Variants in ZNF770 observed in about 807,000 individuals in gnomAD.
ZNF770 encodes zinc finger protein 770.
Under a neutral mutation model 44.8 loss-of-function variants are expected in ZNF770, and 13 were observed. That is an observed-to-expected ratio of 0.29 (90% CI 0.19 to 0.46). ZNF770 has a LOEUF of 0.46. ZNF770 is among the 20% of genes least tolerant of loss of function. The pLI, the probability that ZNF770 is intolerant of heterozygous loss-of-function variation, is 1.00. For synonymous variants in ZNF770, 304 were observed against 271.8 expected, an observed-to-expected ratio of 1.12 and a Z score of -1.17; for missense variants, 681 against 797.9, an observed-to-expected ratio of 0.85 and a Z score of 1.77.
chr15:34,984,195 A>G (rs1396735818), intron 2 of ZNF770, among the ~76,000 whole-genome samples: 1 of 152,212 alleles, frequency 6.6e-6, no homozygotes, highest in Non-Finnish European at 1.5e-5. Flanking sequence ...TCAAAAATCA[A>G]TGGAGATAAT....
Position 34,981,849 on chromosome 15 carries a change from C to T in ZNF770, c.1586G>A (p.Ser529Asn). The change falls in exon 3 of 3, where the codon AGT (serine) becomes AAT (asparagine). Residue 529 changes from serine to asparagine, a missense_variant. Around this residue, in one of 5 missense-constraint regions of ZNF770, gnomAD observed 148 missense variants for 191.0 expected, o/e 0.77. Coordinates refer to ENST00000356321, the MANE Select transcript of ZNF770 (RefSeq NM_014106.4). ...TACTTGGCAAAGAGATGCATAAGGACTCTTTTCATTATGAGTCTGTTCATG... is the reference window on the plus strand; with the variant it reads ...TACTTGGCAAAGAGATGCATAAGGATTCTTTTCATTATGAGTCTGTTCATG... ...KRHEQTHNEK[S>N]PYASLCQVEF... is the part of the protein sequence containing the mutation. The T allele has an allele frequency of 1.9e-6, 3 of 1,613,854 alleles. No homozygotes were observed. The highest frequency in any genetic ancestry group is 2.5e-6 in the Non-Finnish European group (3 of 1,179,978).
chr15:34,979,868 A>T lies in ZNF770; in HGVS notation c.*1491T>A, dbSNP rs1160529149. 3.3e-6 allele frequency: 1 copy of T among 305,972 alleles called. No individual in the cohort carries two copies. Among genetic ancestry groups the T allele is most frequent in the East Asian group, 1.1e-4 (1 of 9,148 alleles). The allele number at this position is 305,972 out of a possible 1,614,324, so 19.0% of individuals were successfully genotyped here. On this transcript the variant is annotated 3_prime_UTR_variant, in exon 3 of 3. Coordinates refer to ENST00000356321, the MANE Select transcript of ZNF770 (RefSeq NM_014106.4). ...TCATTCCTGAAGATTTTATAAACAA[A>T]GGCAAATATGAAGGAAAATTTGTAA... is the stretch of plus-strand genomic sequence containing the variant.
Position 34,981,899 on chromosome 15 carries a change from A to T in ZNF770, c.1536T>A (p.Phe512Leu). Reference sequence around the variant, plus strand: ...GTCTTTTTAAGTGAGCTGACTGTCTAAAAGATTTCCCACAAATATTACAGC... The same window carrying T: ...GTCTTTTTAAGTGAGCTGACTGTCTTAAAGATTTCCCACAAATATTACAGC... ...PFGCNICGKSFRQSAHLKRHE... is the reference protein window; with the variant it reads ...PFGCNICGKSLRQSAHLKRHE... Residue 512 changes from phenylalanine (F) to leucine (L), a missense_variant, in exon 3 of 3, where the codon TTT becomes TTA. By Grantham distance (22) the Phe-to-Leu change is conservative. This residue lies in a region of ZNF770 where 148 missense variants were observed against 191.0 expected (regional missense o/e 0.77). Coordinates refer to ENST00000356321, the MANE Select transcript of ZNF770 (RefSeq NM_014106.4). 1 of 1,614,024 alleles carries T rather than the reference A, an allele frequency of 6.2e-7. No homozygotes were observed. Among genetic ancestry groups the T allele is most frequent in the Non-Finnish European group, 8.5e-7 (1 of 1,180,022 alleles).
intron 1 of ZNF770, 134 bp downstream of exon 1, chr15:34,987,982 A>AC (rs113623606): frequency 4.2e-4 from 64 of 152,214 alleles, no homozygotes; most frequent in Middle Eastern, 3.4e-3. Context: ...AGCAACAACA[A>AC]AAAAAAATCC....
intron 2 of ZNF770, among the ~76,000 whole-genome samples, chr15:34,984,447 A>G (rs1012032911): frequency 1.1e-4 from 17 of 152,040 alleles, no homozygotes; most frequent in Admixed American, 3.9e-4. Context: ...ACCTGAGGTC[A>G]GGAATTTTGA....
chr15:34,982,447 A>G lies in ZNF770; in HGVS notation c.988T>C (p.Tyr330His). ...TTTTTAACAATGGTTTTATAGTTGT[A>G]GCTTCTTTTGAACCTGCTTGGAATT... ...GKIPSRFKRS[Y>H]NYKTIVKKIL... Residue 330 changes from tyrosine to histidine, a missense_variant, in exon 3 of 3, where the codon TAC becomes CAC. Coordinates refer to ENST00000356321, the MANE Select transcript of ZNF770 (RefSeq NM_014106.4). 6.2e-7 allele frequency: 1 copy of G among 1,613,972 alleles called. No homozygotes were observed. The highest frequency in any genetic ancestry group is 8.5e-7 in the Non-Finnish European group (1 of 1,179,948).
At position 34,981,020 on chromosome 15, in the gene ZNF770, T is replaced by C. The variant is rs2050398250; in HGVS notation, c.*339A>G. 4.8e-6 allele frequency: 1 copy of C among 208,440 alleles called. No homozygotes were observed. Among genetic ancestry groups the C allele is most frequent in the Non-Finnish European group, 9.6e-6 (1 of 104,118 alleles). The allele number at this position is 208,440 out of a possible 1,614,324, so 12.9% of individuals were successfully genotyped here. ...TGAGTATATCTAAAAAGAGATGGCA[T>C]GTCTTAAGGAATAATTCCTTTAAAA... On this transcript the variant is annotated 3_prime_UTR_variant, in exon 3 of 3. Transcript: ENST00000356321.
rs369778038 is a variant in ZNF770, at chr15:34,982,849, A to G, written c.586T>C (p.Ser196Pro). 15 of 1,613,904 alleles carry G rather than the reference A, an allele frequency of 9.3e-6. No homozygotes were observed. The highest frequency in any genetic ancestry group is 1.2e-5 in the Non-Finnish European group (14 of 1,179,952). ...RPFKCVLCTK[S>P]FRQSTHLKIH... ...TTTAAGTGAGTTGACTGTCGAAAAGATTTAGTACACAAGACACATTTAAAA... is the reference window on the plus strand; with the variant it reads ...TTTAAGTGAGTTGACTGTCGAAAAGGTTTAGTACACAAGACACATTTAAAA... The change falls in exon 3 of 3, where the codon TCT becomes CCT. Residue 196 changes from serine (S) to proline (P), a missense_variant. This residue lies in a region of ZNF770 where 432 missense variants were observed against 434.1 expected (regional missense o/e 1.00). Transcript: ENST00000356321.
chr15:34,982,553 A>T lies in ZNF770; in HGVS notation c.882T>A (p.Phe294Leu), dbSNP rs760644482. 1 of 1,614,016 alleles carries T rather than the reference A, an allele frequency of 6.2e-7. No individual in the cohort carries two copies. ...LDVHSIYIVP[F>L]QCPKCEKCFE... ...AACACTTTTCACACTTTGGACATTGAAAAGGGACAATATAAATTGAGTGGA... is the reference window on the plus strand; with the variant it reads ...AACACTTTTCACACTTTGGACATTGTAAAGGGACAATATAAATTGAGTGGA... Residue 294 changes from phenylalanine to leucine, a missense_variant, in exon 3 of 3, where the codon TTT becomes TTA. Phe to Leu is a conservative substitution (Grantham distance 22). Around this residue, in one of 5 missense-constraint regions of ZNF770, gnomAD observed 432 missense variants for 434.1 expected, o/e 1.00. Coordinates refer to ENST00000356321, the MANE Select transcript of ZNF770 (RefSeq NM_014106.4).
Position 34,983,231 on chromosome 15 carries a change from A to C in ZNF770, c.204T>G (p.Val68=), listed in dbSNP as rs1310094496. The part of the protein sequence containing the change: ...DVCHKTFRQL[V]HLERHQLTHS... ...GAGTTAGTTGATGCCTCTCCAGATGAACTAGTTGTCTAAAGGTTTTATGAC... is the reference window on the plus strand; with the variant it reads ...GAGTTAGTTGATGCCTCTCCAGATGCACTAGTTGTCTAAAGGTTTTATGAC... Residue 68 remains valine, a synonymous_variant, in exon 3 of 3, where the codon GTT becomes GTG. Transcript: ENST00000356321. 1.9e-6 allele frequency: 3 copies of C among 1,613,108 alleles called. No homozygotes were observed. Among genetic ancestry groups the C allele is most frequent in the Non-Finnish European group, 2.5e-6 (3 of 1,179,246 alleles).
intron 2 of ZNF770, 22 bp from the exon 3 acceptor site, chr15:34,983,512 G>C: frequency 8.3e-7 from 1 of 1,200,960 alleles, no homozygotes; most frequent in South Asian, 2.9e-5. Flanking sequence ...AGGAAAAAAA[G>C]TATTAATTTT....
At chr15:34,983,781 G>A (rs142706874) in intron 2 of ZNF770, among the ~76,000 whole-genome samples, 185 of 152,280 alleles carry the variant, frequency 1.2e-3, no homozygotes, top group African/African-American at 4.1e-3. Flanking sequence ...ACATGAAATA[G>A]ATATTTTAAT....
rs148145051 is a variant in ZNF770 at position 34,981,362 on chromosome 15, C to T, written c.2073G>A (p.Met691Ile). Reference sequence around the variant, plus strand: ...AATTGTTAGTGGTTGCGACAATTTACATAACCGAATCTAAGGCAACCACTT... The same window carrying T: ...AATTGTTAGTGGTTGCGACAATTTATATAACCGAATCTAAGGCAACCACTT... ...QGKVVALDSV[M>I] The change falls in exon 3 of 3, where the codon ATG (methionine) becomes ATA (isoleucine). Residue 691 changes from methionine to isoleucine, a missense_variant. By Grantham distance (10) the Met-to-Ile change is conservative (BLOSUM62 1). Coordinates refer to ENST00000356321, the MANE Select transcript of ZNF770 (RefSeq NM_014106.4). 8.7e-6 allele frequency: 14 copies of T among 1,604,206 alleles called. No individual in the cohort carries two copies. In the African/African-American group the frequency reaches 1.9e-4, roughly 21 times the overall value.
At position 34,981,003 on chromosome 15, in the gene ZNF770, T is replaced by C. The variant is rs1351575005; in HGVS notation, c.*356A>G. 8 of 192,582 alleles carry C rather than the reference T, an allele frequency of 4.2e-5. No homozygotes were observed. The highest frequency in any genetic ancestry group is 1.7e-4 in the African/African-American group (7 of 42,340). The allele number at this position is 192,582 out of a possible 1,614,324, so 11.9% of individuals were successfully genotyped here. On this transcript the variant is annotated 3_prime_UTR_variant, in exon 3 of 3. Coordinates refer to ENST00000356321, the MANE Select transcript of ZNF770 (RefSeq NM_014106.4). Reference sequence around the variant, plus strand: ...TTTGCCTCTCAGTCTTTTGAGTATATCTAAAAAGAGATGGCATGTCTTAAG... The same window carrying C: ...TTTGCCTCTCAGTCTTTTGAGTATACCTAAAAAGAGATGGCATGTCTTAAG...
Position 34,979,972 on chromosome 15 carries a change from C to G in ZNF770, c.*1387G>C, listed in dbSNP as rs1566797232. 5.1e-6 allele frequency: 1 copy of G among 197,482 alleles called. No homozygotes were observed. The highest frequency in any genetic ancestry group is 1.1e-5 in the Non-Finnish European group (1 of 94,486). 12.2% of individuals were successfully genotyped at this position (197,482 alleles called of 1,614,324 possible). A position where few individuals can be genotyped will look rare whatever the true frequency, so the allele number is the denominator to read the frequency against. ...ATTTGGAATGATACCCACAACTCTA[C>G]AAGCATCTTATCCCTCTACAGGAAT... is the stretch of plus-strand genomic sequence containing the variant. On this transcript the variant is annotated 3_prime_UTR_variant, in exon 3 of 3. Transcript: ENST00000356321.
rs182888911 is a variant in ZNF770 at position 34,987,317 on chromosome 15, G to C, written c.-57+240C>G. 3.3e-5 allele frequency among the ~76,000 whole-genome samples: 5 copies of C among 152,330 alleles called. 1 individual carries two copies. The highest frequency in any genetic ancestry group is 2.0e-4 in the Admixed American group (3 of 15,306). ...TTGTTAGAACCATTAGTGGCAAGTG[G>C]TGATCCTATCTCCTGTTTATGAGAG... is the stretch of plus-strand genomic sequence containing the variant. On this transcript the variant is annotated intron_variant, in intron 2 of 2. Transcript: ENST00000356321.
Position 34,982,223 on chromosome 15 carries a change from T to C in ZNF770, c.1212A>G (p.Lys404=). 6.2e-7 allele frequency: 1 copy of C among 1,613,486 alleles called. No individual in the cohort carries two copies. The highest frequency in any genetic ancestry group is 8.5e-7 in the Non-Finnish European group (1 of 1,179,876). ...GCCAAGAAAATGGCAAAGTCAATGT[T>C]TTCTTCTTTCTATTGCCAATTGTTT... ...TYKTIGNRKK[K]TLTLPFSWQN... The change falls in exon 3 of 3, where the codon AAA becomes AAG. Residue 404 remains lysine (K), a synonymous_variant. Coordinates refer to ENST00000356321, the MANE Select transcript of ZNF770 (RefSeq NM_014106.4).
intron 2 of ZNF770, among the ~76,000 whole-genome samples, chr15:34,985,044 T>C (rs932106964): frequency 2.0e-5 from 3 of 150,690 alleles, no homozygotes; most frequent in African/African-American, 7.3e-5. Context: ...TGCAGCACGA[T>C]AATTGCTTGA....
Position 34,983,406 on chromosome 15 carries a change from A to G in ZNF770, c.29T>C (p.Leu10Pro), listed in dbSNP as rs754789893. The G allele has an allele frequency of 1.1e-5, 17 of 1,566,004 alleles. No individual in the cohort carries two copies. The South Asian group carries it at 1.9e-4, about 18-fold the overall frequency. Residue 10 changes from leucine (L) to proline (P), a missense_variant, in exon 3 of 3, where the codon CTA becomes CCA. This residue lies in a region of ZNF770 where 65 missense variants were observed against 115.0 expected (regional missense o/e 0.57). Coordinates refer to ENST00000356321, the MANE Select transcript of ZNF770 (RefSeq NM_014106.4). MMAENNLKM[L>P]KIQQCVVANK... ...GGCTACCACACACTGTTGAATCTTT[A>G]GCATTTTTAAATTGTTTTCAGCCAT...
Sources: allele counts gnomAD v4.1 joint callset (sites outside exome capture counted in the v4.1 genomes callset), GRCh38; gene constraint gnomAD v4.1.1; regional missense constraint gnomAD v4.1.1; transcripts MANE v1.5; gene names NCBI Gene and HGNC (gene_info 2026-07-23, HGNC 2026-07-21).